OLFM2: variants seen among roughly 807,000 people sequenced by gnomAD.
OLFM2 encodes the protein olfactomedin 2.
In OLFM2, 20 loss-of-function variants were observed where a neutral mutation model predicts 43.9. The ratio of observed to expected loss-of-function variants is 0.46; its 90% confidence interval spans 0.32 to 0.66. The LOEUF is 0.66. OLFM2 is among the 30% of genes least tolerant of loss of function. OLFM2 has a pLI of 0.04. For synonymous variants in OLFM2, 268 were observed against 278.6 expected, an observed-to-expected ratio of 0.96 and a Z score of 0.38; for missense variants, 416 against 643.6, an observed-to-expected ratio of 0.65 and a Z score of 3.83.
chr19:9,915,848 T>C (rs1463445804), intron 1 of OLFM2, among the ~76,000 whole-genome samples: 1 of 151,870 alleles, frequency 6.6e-6, no homozygotes, highest in Non-Finnish European at 1.5e-5. Context: ...AGACCTGAAG[T>C]GAGGAAGGGA....
At chr19:9,927,278 T>C (rs1319794238) in intron 1 of OLFM2, among the ~76,000 whole-genome samples, 1 of 151,992 alleles carries the variant, frequency 6.6e-6, no homozygotes, top group Non-Finnish European at 1.5e-5. Context: ...CGAGGCTCTG[T>C]CTCGAAAAAA....
At chr19:9,874,212 G>A (rs150155255) in intron 1 of OLFM2, among the ~76,000 whole-genome samples, 126 of 152,092 alleles carry the variant, frequency 8.3e-4, no homozygotes, top group African/African-American at 2.9e-3. Flanking sequence ...GTTACACTCA[G>A]TGGTTATCAC....
intron 1 of OLFM2, among the ~76,000 whole-genome samples, chr19:9,865,795 C>G (rs939541131): frequency 4.0e-5 from 6 of 149,366 alleles, no homozygotes. Context: ...CCCGGCCCTC[C>G]CTTCTTGATA....
At chr19:9,888,533 A>AAC (rs397791509) in intron 1 of OLFM2, among the ~76,000 whole-genome samples, 4 of 149,492 alleles carry the variant, frequency 2.7e-5, no homozygotes, top group Admixed American at 6.7e-5. Context: ...AAAAAAAAAA[A>AAC]CAAAAAACAA....
chr19:9,932,203 T>A (rs1449115018), intron 1 of OLFM2, among the ~76,000 whole-genome samples: 1 of 152,122 alleles, frequency 6.6e-6, no homozygotes, highest in South Asian at 2.1e-4. Context: ...CTCATGCCTA[T>A]AATCCCAGCA....
chr19:9,913,588 G>T (rs1599497307), intron 1 of OLFM2: 1 of 1,303,496 alleles, frequency 7.7e-7, no homozygotes, highest in Non-Finnish European at 9.9e-7. Context: ...TGCTCAGCAC[G>T]GCCCCGATCT....
intron 1 of OLFM2, among the ~76,000 whole-genome samples, chr19:9,908,388 C>G (rs2046800404): frequency 6.6e-6 from 1 of 151,046 alleles, no homozygotes; most frequent in East Asian, 1.9e-4. Flanking sequence ...CTCACTGCAA[C>G]CTCTGCCTCC....
chr19:9,913,411 T>TGCGGCG, intron 1 of OLFM2: 1 of 913,896 alleles, frequency 1.1e-6, no homozygotes, highest in Non-Finnish European at 1.3e-6. Flanking sequence ...CCCCGGGGGC[T>TGCGGCG]GCGGCGGCGG....
At chr19:9,924,165 C>T (rs1447844165) in intron 1 of OLFM2, among the ~76,000 whole-genome samples, 1 of 144,660 alleles carries the variant, frequency 6.9e-6, no homozygotes, top group African/African-American at 2.6e-5. Context: ...AATCCCAGCA[C>T]TTTGGGAGGC....
rs564110600 is a variant in OLFM2, at chr19:9,858,237, C to A, written c.214-376G>T. The A allele has an allele frequency of 6.8e-5, 24 of 352,248 alleles. No individual in the cohort carries two copies. The East Asian group carries it at 1.2e-3, about 18-fold the overall frequency. The allele number at this position is 352,248 out of a possible 1,614,324, so 21.8% of individuals were successfully genotyped here. On this transcript the variant is annotated intron_variant, in intron 2 of 5. Transcript: ENST00000264833. ...GCTGGCTGGTCCTGCCCACCCCCCCCGCCCAACCCACTTCCTCTCTCTTTG... is the reference window on the plus strand; with the variant it reads ...GCTGGCTGGTCCTGCCCACCCCCCCAGCCCAACCCACTTCCTCTCTCTTTG...
At chr19:9,908,895 G>C (rs950201452) in intron 1 of OLFM2, among the ~76,000 whole-genome samples, 2 of 151,990 alleles carry the variant, frequency 1.3e-5, no homozygotes, top group Non-Finnish European at 2.9e-5. Flanking sequence ...ATTTTCTTTT[G>C]GGGTTTTGCT....
At chr19:9,882,882 G>A (rs550053851) in intron 1 of OLFM2, among the ~76,000 whole-genome samples, 1 of 150,584 alleles carries the variant, frequency 6.6e-6, no homozygotes, top group South Asian at 2.1e-4. Context: ...GGGGAACAGA[G>A]CAAGACCCTA....
rs115772317 is a variant in OLFM2, at chr19:9,918,790, A to G, written c.63+17514T>C. ...AAAAGACCACATAGTTTATGATTCT[A>G]TTTATACATAATGTCCAGGGACAGC... is the stretch of plus-strand genomic sequence containing the variant. On this transcript the variant is annotated intron_variant, in intron 1 of 5. Coordinates refer to ENST00000264833, the MANE Select transcript of OLFM2 (RefSeq NM_058164.4). Among the ~76,000 whole-genome samples the G allele has an allele frequency of 2.0e-3, 304 of 152,328 alleles. 1 individual carries two copies. The highest frequency in any genetic ancestry group is 6.8e-3 in the African/African-American group (284 of 41,574).
chr19:9,867,952 A>G (rs2046415184), intron 1 of OLFM2, among the ~76,000 whole-genome samples: 1 of 151,900 alleles, frequency 6.6e-6, no homozygotes, highest in Non-Finnish European at 1.5e-5. Flanking sequence ...CCCAGGCTGG[A>G]GTACAGTGGC....
chr19:9,911,941 C>T (rs117971482), intron 1 of OLFM2, among the ~76,000 whole-genome samples: 192 of 152,208 alleles, frequency 1.3e-3, no homozygotes, highest in Non-Finnish European at 2.4e-3. Flanking sequence ...CACAGGCAAA[C>T]CCATAGTCAG....
intron 1 of OLFM2, among the ~76,000 whole-genome samples, chr19:9,917,701 T>C (rs953952903): frequency 6.6e-5 from 10 of 152,120 alleles, no homozygotes; most frequent in African/African-American, 2.4e-4. Flanking sequence ...CTCAACTCTT[T>C]CTTCTCCCAC....
At chr19:9,922,782 A>G (rs2086428894) in intron 1 of OLFM2, among the ~76,000 whole-genome samples, 1 of 151,332 alleles carries the variant, frequency 6.6e-6, no homozygotes, top group African/African-American at 2.4e-5. Flanking sequence ...GTGGTGCTGC[A>G]TGCCTGTGGT....
chr19:9,856,955 C>T lies in OLFM2; in HGVS notation c.581-42G>A, dbSNP rs1461008411. 1.3e-6 allele frequency: 2 copies of T among 1,491,536 alleles called. No individual in the cohort carries two copies. The highest frequency in any genetic ancestry group is 1.8e-6 in the Non-Finnish European group (2 of 1,085,010). The allele number at this position is 1,491,536 out of a possible 1,614,324, so 92.4% of individuals were successfully genotyped here. ...GGGGGAATGAGGATGGGGAAATGAA[C>T]AGCCCAAGAGAGGCCAGGCAAAGAT... On this transcript the variant is annotated intron_variant, in intron 4 of 5. Coordinates refer to ENST00000264833, the MANE Select transcript of OLFM2 (RefSeq NM_058164.4). The surrounding 1 kb of genome is among the most constrained non-coding windows in gnomAD (Gnocchi z 4.0).
At chr19:9,919,402 G>A (rs145913691) in intron 1 of OLFM2, among the ~76,000 whole-genome samples, 1,691 of 152,080 alleles carry the variant, frequency 0.011, 33 homozygotes, top group African/African-American at 0.038. Flanking sequence ...TCCTGACCTC[G>A]TAATCCACCT....
Sources: allele counts gnomAD v4.1 joint callset (sites outside exome capture counted in the v4.1 genomes callset), GRCh38; gene constraint gnomAD v4.1.1; non-coding constraint Gnocchi (gnomAD v3.1); transcripts MANE v1.5; gene names NCBI Gene and HGNC (gene_info 2026-07-23, HGNC 2026-07-21).